DLG2: variants seen among roughly 807,000 people sequenced by gnomAD.
DLG2 encodes disks large homolog 2.
A neutral mutation model predicts 132.5 loss-of-function variants in DLG2; 45 were observed. The observed-to-expected ratio is 0.34, with a 90% confidence interval of 0.27 to 0.44. The LOEUF is 0.44. DLG2 is among the 20% of genes least tolerant of loss of function. DLG2 has a pLI of 1.00. For missense variants in DLG2, 1,045 were observed against 1,196.9 expected (o/e 0.87, Z 1.87); for synonymous variants, 424 against 419.6 (o/e 1.01, Z -0.13).
chr11:83,776,923 C>G (rs12283952), intron 18 of DLG2, among the ~76,000 whole-genome samples: 2 of 151,950 alleles, frequency 1.3e-5, no homozygotes, highest in African/African-American at 2.4e-5. Context: ...CATTTGAGTA[C>G]CTAGACTTTA....
At chr11:84,045,078 C>T (rs899974603) in intron 11 of DLG2, among the ~76,000 whole-genome samples, 1 of 151,746 alleles carries the variant, frequency 6.6e-6, no homozygotes, top group African/African-American at 2.4e-5. Context: ...ATAACCTGTT[C>T]TCATAATCTG....
rs58266385 is a variant in DLG2, at chr11:85,134,528, C to CAAAAA, written c.282+20023_282+20027dup. Among the ~76,000 whole-genome samples the CAAAAA allele has an allele frequency of 2.9e-4, 10 of 34,948 alleles. 1 individual carries two copies. The highest frequency in any genetic ancestry group is 6.3e-4 in the East Asian group (1 of 1,588). The allele number at this position is 34,948 out of a possible 152,430, so 22.9% of individuals were successfully genotyped here. ...TGGGCAACAGAGCGAGACTCCGTCTCAAAAAAAAAAAAAAAAAAAAAAAAA... is the reference window on the plus strand; with the variant it reads ...TGGGCAACAGAGCGAGACTCCGTCTCAAAAAAAAAAAAAAAAAAAAAAAAAAAAAA... On this transcript the variant is annotated intron_variant, in intron 5 of 27. Coordinates refer to ENST00000376104, the MANE Select transcript of DLG2 (RefSeq NM_001142699.3).
intron 3 of DLG2, among the ~76,000 whole-genome samples, chr11:85,402,576 C>G (rs1358377046): frequency 6.6e-6 from 1 of 151,944 alleles, no homozygotes. Context: ...GGGAGAAAAT[C>G]TTTGCAATCT....
At chr11:85,614,767 C>T (rs1428206467) in intron 2 of DLG2, among the ~76,000 whole-genome samples, 1 of 152,182 alleles carries the variant, frequency 6.6e-6, no homozygotes, top group Non-Finnish European at 1.5e-5. Context: ...ATTTAATCTT[C>T]AAAAGAATCC....
intron 4 of DLG2, among the ~76,000 whole-genome samples, chr11:85,156,553 T>A (rs1278200582): frequency 6.6e-6 from 1 of 152,122 alleles, no homozygotes; most frequent in Non-Finnish European, 1.5e-5. Context: ...TTTGGGCCAC[T>A]CCTCTTTGGT....
chr11:84,775,658 A>T (rs2070340324), intron 6 of DLG2, among the ~76,000 whole-genome samples: 1 of 152,196 alleles, frequency 6.6e-6, no homozygotes, highest in Non-Finnish European at 1.5e-5. Context: ...TAGACAAATT[A>T]ACAGAAAATG....
chr11:84,048,454 T>C (rs971184769), intron 11 of DLG2, among the ~76,000 whole-genome samples: 1 of 151,716 alleles, frequency 6.6e-6, no homozygotes, highest in Non-Finnish European at 1.5e-5. Context: ...TTCGTGCTTA[T>C]TGAACAAATC....
chr11:84,308,808 C>G (rs2098257891), intron 7 of DLG2, among the ~76,000 whole-genome samples: 1 of 152,212 alleles, frequency 6.6e-6, no homozygotes. Flanking sequence ...CCCGGGCCGG[C>G]AGGGCCAGCT....
In DLG2 at chr11:83,678,190, A is replaced by G. The variant is rs542130132; in HGVS notation, c.1826-44865T>C. On this transcript the variant is annotated intron_variant, in intron 18 of 27. Transcript: ENST00000376104. ...AATGTCTTCCCTTGAACCTGAGATC[A>G]TCATTGTTTTGACCACTTCCTTCTT... 2.6e-5 allele frequency among the ~76,000 whole-genome samples: 4 copies of G among 152,294 alleles called. No individual in the cohort carries two copies. The East Asian group carries it at 7.7e-4, about 29-fold the overall frequency.
intron 17 of DLG2, among the ~76,000 whole-genome samples, chr11:83,824,180 C>T (rs1210996469): frequency 6.6e-6 from 1 of 152,142 alleles, no homozygotes; most frequent in East Asian, 1.9e-4. Context: ...GGCATTTTAT[C>T]TCCAATTCTC....
chr11:83,743,374 ATC>A (rs998439430), intron 18 of DLG2, among the ~76,000 whole-genome samples: 41 of 143,320 alleles, frequency 2.9e-4, no homozygotes, highest in African/African-American at 9.9e-4. Flanking sequence ...CCTACTTTAT[ATC>A]TCTGTCTCTT....
rs2068030068 is a variant in DLG2 at position 85,087,083 on chromosome 11, C to G, written c.357+24578G>C. Among the ~76,000 whole-genome samples the G allele has an allele frequency of 2.0e-5, 3 of 152,138 alleles. No individual in the cohort carries two copies. In the South Asian group the frequency reaches 6.2e-4, roughly 32 times the overall value. On this transcript the variant is annotated intron_variant, in intron 6 of 27. Coordinates refer to ENST00000376104, the MANE Select transcript of DLG2 (RefSeq NM_001142699.3). The stretch of plus-strand genomic sequence containing the variant: ...GTGATTCATTTTTGGATGAATTCAT[C>G]ATTAAACAAATATTTAATGAACTCT...
intron 19 of DLG2, among the ~76,000 whole-genome samples, chr11:83,546,941 T>C (rs1439396100): frequency 6.6e-6 from 1 of 152,130 alleles, no homozygotes; most frequent in Non-Finnish European, 1.5e-5. Flanking sequence ...ATGCCATCTA[T>C]CAAGTGATGG....
chr11:85,050,396 T>C (rs1003670249), intron 6 of DLG2, among the ~76,000 whole-genome samples: 1 of 152,096 alleles, frequency 6.6e-6, no homozygotes, highest in Non-Finnish European at 1.5e-5. Context: ...TTTCGTTTCT[T>C]TAGGCCTTAC....
chr11:83,533,294 T>C (rs1353569691), intron 20 of DLG2, among the ~76,000 whole-genome samples: 1 of 152,210 alleles, frequency 6.6e-6, no homozygotes, highest in Non-Finnish European at 1.5e-5. Context: ...CTGTCATCTC[T>C]GCAGATTCAT....
chr11:84,939,461 A>G (rs1414203964), intron 6 of DLG2, among the ~76,000 whole-genome samples: 4 of 152,104 alleles, frequency 2.6e-5, no homozygotes, highest in African/African-American at 7.2e-5. Flanking sequence ...GTTGACTGCA[A>G]TAATTCCATT....
At chr11:84,353,828 A>G (rs2098596025) in intron 7 of DLG2, among the ~76,000 whole-genome samples, 1 of 152,052 alleles carries the variant, frequency 6.6e-6, no homozygotes, top group Non-Finnish European at 1.5e-5. Flanking sequence ...CCACAACTTC[A>G]TCATTTATTT....
intron 6 of DLG2, among the ~76,000 whole-genome samples, chr11:84,680,188 A>C (rs1318518842): frequency 1.3e-5 from 2 of 151,994 alleles, no homozygotes; most frequent in Non-Finnish European, 2.9e-5. Flanking sequence ...CTCCTCCTCA[A>C]CAGACTTCTT....
chr11:85,486,366 A>G (rs2093429126), intron 3 of DLG2, among the ~76,000 whole-genome samples: 2 of 152,218 alleles, frequency 1.3e-5, no homozygotes, highest in African/African-American at 4.8e-5. Context: ...CACAGCCACC[A>G]AAGCCCACAG....
Sources: allele counts gnomAD v4.1 joint callset (sites outside exome capture counted in the v4.1 genomes callset), GRCh38; gene constraint gnomAD v4.1.1; transcripts MANE v1.5; gene names NCBI Gene and HGNC (gene_info 2026-07-23, HGNC 2026-07-21).